Variants in PPP3CA observed in about 807,000 individuals in gnomAD.
PPP3CA encodes protein phosphatase 3 catalytic subunit alpha.
A neutral mutation model predicts 66.5 loss-of-function variants in PPP3CA; 14 were observed. The observed-to-expected ratio is 0.21, with a 90% CI of 0.14 to 0.33. The LOEUF (loss-of-function observed/expected upper bound fraction) is 0.33. PPP3CA is among the 10% of genes least tolerant of loss of function. PPP3CA has a pLI of 1.00. For synonymous variants in PPP3CA, 232 were observed against 226.2 expected (o/e 1.03, Z -0.23); for missense variants, 317 against 639.5 (o/e 0.50, Z 5.44).
At chr4:101,276,910 T>C (rs1487547868) in intron 1 of PPP3CA, among the ~76,000 whole-genome samples, 1 of 152,188 alleles carries the variant, frequency 6.6e-6, no homozygotes. Flanking sequence ...TACATTGAGG[T>C]TCATTCTTTG....
At chr4:101,168,074 C>A (rs1264148947) in intron 2 of PPP3CA, among the ~76,000 whole-genome samples, 1 of 152,016 alleles carries the variant, frequency 6.6e-6, no homozygotes, top group Non-Finnish European at 1.5e-5. Context: ...CAGAGGGAAG[C>A]CAGAGAACAC....
chr4:101,070,714 G>A (rs1728879122), intron 8 of PPP3CA, among the ~76,000 whole-genome samples: 1 of 152,068 alleles, frequency 6.6e-6, no homozygotes, highest in Non-Finnish European at 1.5e-5. Context: ...ATTCCTCAAG[G>A]CAGGCATGGC....
intron 1 of PPP3CA, among the ~76,000 whole-genome samples, chr4:101,289,443 C>T (rs1055085744): frequency 6.6e-6 from 1 of 152,188 alleles, no homozygotes; most frequent in African/African-American, 2.4e-5. Flanking sequence ...CATACAATCA[C>T]CCTCATTTGA....
intron 1 of PPP3CA, among the ~76,000 whole-genome samples, chr4:101,298,339 G>GACATAT (rs142060997): frequency 7.0e-6 from 1 of 143,782 alleles, no homozygotes; most frequent in African/African-American, 2.6e-5. Flanking sequence ...CAAGCAGGGA[G>GACATAT]ATATATATAT....
rs745734119 is a variant in PPP3CA at position 101,102,334 on chromosome 4, CAG to C, written c.385-2614_385-2613del. 2.7e-3 allele frequency among the ~76,000 whole-genome samples: 411 copies of C among 150,750 alleles called. 2 individuals are homozygous for C. Among genetic ancestry groups the C allele is most frequent in the African/African-American group, 8.4e-3 (348 of 41,192 alleles). On this transcript the variant is annotated intron_variant, in intron 3 of 13. Coordinates refer to ENST00000394854, the MANE Select transcript of PPP3CA (RefSeq NM_000944.5). ...GGGAGACAGAATGAGAAATAGAAGG[CAG>C]AGAGAGAGAGACAGAGAGAGAGAGA...
At chr4:101,068,301 C>T (rs1381422130) in intron 8 of PPP3CA, among the ~76,000 whole-genome samples, 1 of 152,148 alleles carries the variant, frequency 6.6e-6, no homozygotes, top group East Asian at 1.9e-4. Context: ...AATTCTTCCA[C>T]CCGCAGATGC....
chr4:101,282,434 C>G (rs1727715082), intron 1 of PPP3CA, among the ~76,000 whole-genome samples: 2 of 152,172 alleles, frequency 1.3e-5, no homozygotes, highest in South Asian at 4.1e-4. Flanking sequence ...AAGACATGGA[C>G]TTACCTGATA....
chr4:101,044,229 G>A (rs1360832063), intron 10 of PPP3CA, among the ~76,000 whole-genome samples: 1 of 151,994 alleles, frequency 6.6e-6, no homozygotes, highest in Non-Finnish European at 1.5e-5. Context: ...CCAGGTTTTC[G>A]GTATTTTCCA....
At chr4:101,128,702 A>T (rs13107987) in intron 2 of PPP3CA, among the ~76,000 whole-genome samples, 5 of 152,016 alleles carry the variant, frequency 3.3e-5, no homozygotes, top group African/African-American at 1.2e-4. Flanking sequence ...TGTGAGGGAC[A>T]GTGCTCTCCG....
chr4:101,218,650 G>A (rs1358850092), intron 1 of PPP3CA, among the ~76,000 whole-genome samples: 1 of 151,940 alleles, frequency 6.6e-6, no homozygotes, highest in Non-Finnish European at 1.5e-5. Flanking sequence ...AAAAAATTAT[G>A]TATAATAACG....
intron 2 of PPP3CA, among the ~76,000 whole-genome samples, chr4:101,170,864 A>G (rs1446727261): frequency 6.6e-6 from 1 of 152,098 alleles, no homozygotes; most frequent in Non-Finnish European, 1.5e-5. Flanking sequence ...TTACTGATAC[A>G]TTTACCAATA....
chr4:101,063,252 A>G lies in PPP3CA; in HGVS notation c.1061T>C (p.Leu354Pro). 6.2e-7 allele frequency: 1 copy of G among 1,611,466 alleles called. No individual in the cohort carries two copies. Among genetic ancestry groups the G allele is most frequent in the Non-Finnish European group, 8.5e-7 (1 of 1,178,374 alleles). Residue 354 changes from leucine to proline, a missense_variant, in exon 9 of 14, where the codon CTT becomes CCT. Transcript: ENST00000394854. ...PNFMDVFTWS[L>P]PFVGEKVTEM... is the part of the protein sequence containing the mutation. ...CATACCTTTTTCCCCAACAAATGGA[A>G]GGGACCAAGTAAAAACATCCATGAA...
intron 1 of PPP3CA, among the ~76,000 whole-genome samples, chr4:101,288,942 C>T (rs898262980): frequency 6.6e-6 from 1 of 152,030 alleles, no homozygotes; most frequent in Non-Finnish European, 1.5e-5. Context: ...TTCCTCCCAA[C>T]TTGGCTGCAA....
intron 1 of PPP3CA, among the ~76,000 whole-genome samples, chr4:101,285,073 T>C (rs529344146): frequency 2.0e-5 from 3 of 152,212 alleles, no homozygotes; most frequent in Admixed American, 1.3e-4. Flanking sequence ...CAAATACTGA[T>C]GGGAGACAAG....
chr4:101,243,214 TA>T (rs1217228344), intron 1 of PPP3CA, among the ~76,000 whole-genome samples: 3 of 152,218 alleles, frequency 2.0e-5, no homozygotes. Flanking sequence ...CAATCTGTTT[TA>T]GGCAGCTCCC....
chr4:101,101,787 G>C (rs1175969210), intron 3 of PPP3CA, among the ~76,000 whole-genome samples: 7 of 152,036 alleles, frequency 4.6e-5, no homozygotes, highest in Non-Finnish European at 1.0e-4. Context: ...CCTCCTCCTA[G>C]TCAATATTCT....
chr4:101,252,118 T>A (rs1042899007), intron 1 of PPP3CA, among the ~76,000 whole-genome samples: 1 of 152,156 alleles, frequency 6.6e-6, no homozygotes, highest in African/African-American at 2.4e-5. Flanking sequence ...AATTTCCAGA[T>A]AAAGAAAGCG....
At chr4:101,079,905 G>A (rs1729362475) in intron 8 of PPP3CA, among the ~76,000 whole-genome samples, 1 of 152,326 alleles carries the variant, frequency 6.6e-6, no homozygotes, top group East Asian at 1.9e-4. Flanking sequence ...TGAACCAGAA[G>A]TATGGATTTG....
intron 10 of PPP3CA, among the ~76,000 whole-genome samples, chr4:101,047,844 G>C (rs1046712045): frequency 5.9e-5 from 9 of 151,654 alleles, no homozygotes; most frequent in Admixed American, 2.6e-4. Flanking sequence ...AAATTCCTTT[G>C]GAATAAATAA....
Sources: gnomAD v4.1 joint callset for allele counts (sites outside exome capture counted in the v4.1 genomes callset) on GRCh38, gnomAD v4.1.1 for gene constraint, MANE v1.5 for transcripts, NCBI Gene and HGNC (gene_info 2026-07-23, HGNC 2026-07-21) for gene names.